Variants in MILR1 observed in about 807,000 individuals in gnomAD.
MILR1 encodes allergin-1.
MILR1 carries 31 observed loss-of-function variants against 18.5 expected under a neutral mutation model. The observed-to-expected ratio is 1.68, with a 90% CI of 1.26 to 2.26. The LOEUF is 2.26. MILR1 is among the 30% of genes most tolerant of loss of function. MILR1 has a pLI of 0.00. For synonymous variants in MILR1, 85 were observed against 56.2 expected (o/e 1.51, Z -2.30); for missense variants, 257 against 157.4 (o/e 1.63, Z -3.38).
chr17:64,472,028 T>C (rs1236715194), downstream of MILR1, among the ~76,000 whole-genome samples: 1 of 152,150 alleles, frequency 6.6e-6, no homozygotes, highest in Non-Finnish European at 1.5e-5. Flanking sequence ...GCTAGAAGAA[T>C]ATGCAGGGGA....
At chr17:64,469,132 G>T (rs2037647395), downstream of MILR1, among the ~76,000 whole-genome samples, 1 of 149,364 alleles carries the variant, frequency 6.7e-6, no homozygotes, top group African/African-American at 2.4e-5. Context: ...AAAGGAAAAG[G>T]AAGGAAGGAA....
At chr17:64,485,641 A>T in the MILR1 span, 3 of 1,069,688 alleles carry the variant, frequency 2.8e-6, no homozygotes, top group African/African-American at 4.7e-5. Context: ...TTTAGAGTTT[A>T]TGTTAGAAAC....
At chr17:64,490,236 T>C in the MILR1 span, among the ~76,000 whole-genome samples, 21 of 152,172 alleles carry the variant, frequency 1.4e-4, no homozygotes, top group African/African-American at 5.1e-4. Context: ...AATTAATAAA[T>C]ACAAACTATT....
At chr17:64,486,579 T>G in the MILR1 span, among the ~76,000 whole-genome samples, 1 of 152,080 alleles carries the variant, frequency 6.6e-6, no homozygotes, top group African/African-American at 2.4e-5. Context: ...GGCCAGGTTG[T>G]TCTCAAACTC....
chr17:64,479,030 A>T, the MILR1 span, among the ~76,000 whole-genome samples: 1 of 152,204 alleles, frequency 6.6e-6, no homozygotes. Context: ...GAACAACTGC[A>T]ACTTGACAAT....
rs531584349 is a variant in MILR1 at position 64,465,447 on chromosome 17, C to T, written c.764-5C>T. On this transcript the variant is annotated splice_polypyrimidine_tract_variant and splice_region_variant and intron_variant, in intron 5 of 9. Coordinates refer to ENST00000619286, the MANE Select transcript of MILR1 (RefSeq NM_001085423.2). ...TAATTTGATGATTCCTACCTATTTA[C>T]GTAGGAAAAGCTATGAGAAATAATG... is the stretch of plus-strand genomic sequence containing the variant. 17 of 1,571,150 alleles carry T rather than the reference C, an allele frequency of 1.1e-5. No individual in the cohort carries two copies. The Admixed American group carries it at 1.9e-4, about 17-fold the overall frequency.
In MILR1 at chr17:64,449,326, T is replaced by C. The variant is rs2037113133; in HGVS notation, c.68T>C (p.Val23Ala). The C allele has an allele frequency of 1.9e-5, 9 of 473,454 alleles. No homozygotes were observed. In the South Asian group the frequency reaches 6.2e-4, roughly 33 times the overall value. 29.3% of individuals were successfully genotyped at this position (473,454 alleles called of 1,614,324 possible). The change falls in exon 2 of 10, where the codon GTA becomes GCA. Residue 23 changes from valine to alanine, a missense_variant. Val to Ala is a moderately conservative substitution (Grantham distance 64). Coordinates refer to ENST00000619286, the MANE Select transcript of MILR1 (RefSeq NM_001085423.2). Reference sequence around the variant, plus strand: ...TTTTCTGTTTCAGGTAGAAAAGCTGTATTGGATTGTGAGGCAATGAAAACA... The same window carrying C: ...TTTTCTGTTTCAGGTAGAAAAGCTGCATTGGATTGTGAGGCAATGAAAACA... ...IFSSVTCRKA[V>A]LDCEAMKTNE... is the part of the protein sequence containing the mutation.
downstream of MILR1, among the ~76,000 whole-genome samples, chr17:64,472,886 A>G (rs922815225): frequency 6.6e-6 from 1 of 152,248 alleles, no homozygotes; most frequent in Non-Finnish European, 1.5e-5. Flanking sequence ...TTTACAAATC[A>G]TTAAGAGAAA....
chr17:64,474,783 C>G, the MILR1 span, among the ~76,000 whole-genome samples: 1 of 152,032 alleles, frequency 6.6e-6, no homozygotes, highest in Non-Finnish European at 1.5e-5. Flanking sequence ...TTCCTAGTAT[C>G]CAAAGTATGG....
chr17:64,493,266 A>T, the MILR1 span, among the ~76,000 whole-genome samples: 9 of 152,170 alleles, frequency 5.9e-5, no homozygotes, highest in African/African-American at 2.2e-4. Context: ...AAATATACAA[A>T]AATAAGCCAG....
chr17:64,485,621 A>C, the MILR1 span: 7 of 944,072 alleles, frequency 7.4e-6, no homozygotes, highest in Admixed American at 7.3e-5. Flanking sequence ...TACATGCACT[A>C]AATTTATTAT....
chr17:64,496,905 C>T, the MILR1 span: 28 of 1,612,718 alleles, frequency 1.7e-5, no homozygotes, highest in Non-Finnish European at 2.2e-5. Context: ...ACTCGACCCC[C>T]AAACCCAGAC....
the MILR1 span, chr17:64,496,535 A>T: frequency 3.7e-6 from 6 of 1,613,744 alleles, no homozygotes; most frequent in Non-Finnish European, 3.4e-6. Context: ...AACTAACCTG[A>T]AGGCACTGTC....
chr17:64,451,154 T>C (rs1372732028), intron 2 of MILR1, among the ~76,000 whole-genome samples: 1 of 151,920 alleles, frequency 6.6e-6, no homozygotes, highest in African/African-American at 2.4e-5. Context: ...TTTTTCTTTC[T>C]TTCTTTGAGA....
chr17:64,483,657 AC>A, the MILR1 span, among the ~76,000 whole-genome samples: 1 of 151,470 alleles, frequency 6.6e-6, no homozygotes, highest in Non-Finnish European at 1.5e-5. Context: ...TCTTGTCAAA[AC>A]CTACTGTTCT....
the MILR1 span, chr17:64,492,794 G>A: frequency 1.3e-6 from 2 of 1,597,998 alleles, no homozygotes; most frequent in Non-Finnish European, 1.7e-6. Flanking sequence ...AAACGTATCA[G>A]GAAGTTAGCT....
At chr17:64,459,807 C>T (rs1370344344) in intron 4 of MILR1, among the ~76,000 whole-genome samples, 1 of 152,154 alleles carries the variant, frequency 6.6e-6, no homozygotes, top group Non-Finnish European at 1.5e-5. Context: ...TGACACGAAA[C>T]ATGCTGCCAG....
At chr17:64,455,523 G>A (rs2037272942) in intron 3 of MILR1, among the ~76,000 whole-genome samples, 1 of 151,800 alleles carries the variant, frequency 6.6e-6, no homozygotes, top group African/African-American at 2.4e-5. Context: ...GCACCATCTC[G>A]GCTCACTGCA....
the MILR1 span, chr17:64,481,380 T>C: frequency 2.5e-5 from 25 of 985,336 alleles, no homozygotes; most frequent in Non-Finnish European, 3.0e-5. Context: ...ATCTTTTTAG[T>C]GTCCGCATTC....
Sources: gnomAD v4.1 joint callset for allele counts (sites outside exome capture counted in the v4.1 genomes callset) on GRCh38, gnomAD v4.1.1 for gene constraint, MANE v1.5 for transcripts, NCBI Gene and HGNC (gene_info 2026-07-23, HGNC 2026-07-21) for gene names.